SYNJ1: variants seen among roughly 807,000 people sequenced by gnomAD.
SYNJ1 encodes synaptojanin 1, also known as polyphosphatidylinositol phosphatase SYNJ1.
A neutral mutation model predicts 168.2 loss-of-function variants in SYNJ1; 78 were observed. That is an observed-to-expected ratio of 0.46 (90% CI 0.39 to 0.56). The LOEUF is 0.56. SYNJ1 is among the 20% of genes least tolerant of loss of function. The probability of loss-of-function intolerance (pLI) is 0.00; values close to 1 mark genes in which losing one functional copy is unlikely to be tolerated. For synonymous variants in SYNJ1, 539 were observed against 548.6 expected (o/e 0.98, Z 0.24); for missense variants, 1,303 against 1,597.6 (o/e 0.82, Z 3.14).
At position 32,631,673 on chromosome 21, in the gene SYNJ1, G is replaced by T. The variant is rs373469623; in HGVS notation, c.*132C>A. Reference sequence around the variant, plus strand: ...GAATCAACCTCTTTGGGTCTGGGGTGGGAACAGGTGACGTTTGAACAGATA... The same window carrying T: ...GAATCAACCTCTTTGGGTCTGGGGTTGGAACAGGTGACGTTTGAACAGATA... On this transcript the variant is annotated 3_prime_UTR_variant, in exon 33 of 33. Coordinates refer to ENST00000674351, the MANE Select transcript of SYNJ1 (RefSeq NM_203446.3). The T allele has an allele frequency of 2.7e-5, 43 of 1,614,076 alleles. No homozygotes were observed. The highest frequency in any genetic ancestry group is 3.6e-5 in the Non-Finnish European group (42 of 1,180,044).
At chr21:32,728,304 T>C (rs1475393217), upstream of SYNJ1, 4 of 430,768 alleles carry the variant, frequency 9.3e-6, no homozygotes, top group African/African-American at 2.1e-5. Context: ...GGGGAGGGAC[T>C]CCGGAGAAAA....
At chr21:32,691,350 T>C (rs1020642570) in intron 6 of SYNJ1, among the ~76,000 whole-genome samples, 10 of 152,218 alleles carry the variant, frequency 6.6e-5, no homozygotes, top group African/African-American at 1.4e-4. Flanking sequence ...CTTTTGCCTT[T>C]TGCCATGACT....
At chr21:32,681,762 C>T (rs993447396) in intron 10 of SYNJ1, 114 bp from the exon 11 acceptor site, 3 of 922,960 alleles carry the variant, frequency 3.3e-6, no homozygotes, top group Admixed American at 3.2e-5. Flanking sequence ...CTATTTGGGA[C>T]TAGCTTCTGA....
intron 24 of SYNJ1, 25 bp downstream of exon 24, chr21:32,646,368 C>G (rs755069319): frequency 1.8e-5 from 29 of 1,606,692 alleles, no homozygotes; most frequent in Non-Finnish European, 2.5e-5. Flanking sequence ...GGAAGCCATA[C>G]AAAACTTTCA....
intron 15 of SYNJ1, among the ~76,000 whole-genome samples, chr21:32,668,013 G>GTGTA (rs1310872898): frequency 8.7e-5 from 3 of 34,520 alleles, no homozygotes; most frequent in African/African-American, 2.6e-4. Flanking sequence ...ATATATATGT[G>GTGTA]TGTGTGTGTG....
chr21:32,687,137 A>G, intron 7 of SYNJ1, 63 bp from the exon 8 acceptor site: 1 of 820,826 alleles, frequency 1.2e-6, no homozygotes, highest in Non-Finnish European at 1.8e-6. Flanking sequence ...TTCAATAAAC[A>G]ATAATCCATT....
At chr21:32,728,177 C>A, upstream of SYNJ1, 1 of 1,076,150 alleles carries the variant, frequency 9.3e-7, no homozygotes, top group Non-Finnish European at 1.3e-6. Flanking sequence ...CTCCAGCTAC[C>A]TTTGCCTCCT....
At chr21:32,718,608 A>G (rs939580943) in intron 2 of SYNJ1, among the ~76,000 whole-genome samples, 8 of 152,156 alleles carry the variant, frequency 5.3e-5, no homozygotes, top group African/African-American at 1.9e-4. Context: ...TTTAAAAGAG[A>G]CAGGACACTG....
chr21:32,690,476 T>C (rs1345547845), intron 6 of SYNJ1, among the ~76,000 whole-genome samples: 7 of 152,220 alleles, frequency 4.6e-5, no homozygotes, highest in South Asian at 2.1e-4. Flanking sequence ...CCTCCTAGAC[T>C]AGGTTTTATT....
In SYNJ1 at chr21:32,650,326, A is replaced by C; in HGVS notation, c.2895T>G (p.Thr965=). 1 of 1,610,626 alleles carries C rather than the reference A, an allele frequency of 6.2e-7. No homozygotes were observed. The highest frequency in any genetic ancestry group is 8.5e-7 in the Non-Finnish European group (1 of 1,179,048). Residue 965 remains threonine, a synonymous_variant, in exon 23 of 33, where the codon ACT becomes ACG. Transcript: ENST00000674351. ...TCCAGTCTGGACTTTTTAAAGCAAT[A>C]GTTATAGTCCGATTCAATAACTAGC... ...NGKELLNRTI[T]IALKSPDWIK...
rs565013600 is a variant in SYNJ1, at chr21:32,688,306, C to T, written c.851G>A (p.Arg284Lys). 191 of 1,613,110 alleles carry T rather than the reference C, an allele frequency of 1.2e-4. 3 individuals carry two copies. In the South Asian group the frequency reaches 1.9e-3, roughly 16 times the overall value. Residue 284 changes from arginine (R) to lysine (K), a missense_variant and splice_region_variant, in exon 7 of 33, where the codon AGG (arginine) becomes AAG (lysine). Coordinates refer to ENST00000674351, the MANE Select transcript of SYNJ1 (RefSeq NM_203446.3). ...GFEANAPAFD[R>K]HFRTLKNLYG... ...AAGCACTATGTAAAAATTGTCTTAC[C>T]TGTCAAAAGCAGGTGCATTGGCTTC...
intron 32 of SYNJ1, among the ~76,000 whole-genome samples, chr21:32,633,598 G>T (rs2039437983): frequency 6.6e-6 from 1 of 152,162 alleles, no homozygotes; most frequent in African/African-American, 2.4e-5. Context: ...AAGGAATTTG[G>T]ATAGTTGTTA....
chr21:32,700,638 G>A (rs1479012346), intron 3 of SYNJ1, among the ~76,000 whole-genome samples: 1 of 151,982 alleles, frequency 6.6e-6, no homozygotes, highest in Non-Finnish European at 1.5e-5. Flanking sequence ...CTGGGCAACA[G>A]GAGCTAAAAC....
At chr21:32,690,955 T>A (rs1186199778) in intron 6 of SYNJ1, among the ~76,000 whole-genome samples, 1 of 152,252 alleles carries the variant, frequency 6.6e-6, no homozygotes, top group Non-Finnish European at 1.5e-5. Context: ...AAGGTATTTT[T>A]AAAAATCATT....
rs773991282 is a variant in SYNJ1, at chr21:32,670,272, A to G, written c.1811+16T>C. The G allele has an allele frequency of 7.5e-6, 12 of 1,609,826 alleles. No individual in the cohort carries two copies. In the South Asian group the frequency reaches 1.2e-4, roughly 16 times the overall value. ...CAACTGGCAAATTTTTCAGTGGATTAATGTGGCTAGCTTACCTTGCACTCA... is the reference window on the plus strand; with the variant it reads ...CAACTGGCAAATTTTTCAGTGGATTGATGTGGCTAGCTTACCTTGCACTCA... On this transcript the variant is annotated intron_variant, in intron 15 of 32. Coordinates refer to ENST00000674351, the MANE Select transcript of SYNJ1 (RefSeq NM_203446.3).
chr21:32,720,876 G>A (rs960142859), intron 2 of SYNJ1, among the ~76,000 whole-genome samples: 1 of 152,168 alleles, frequency 6.6e-6, no homozygotes, highest in Non-Finnish European at 1.5e-5. Context: ...ATATAATTAT[G>A]AAATGAATCA....
intron 2 of SYNJ1, among the ~76,000 whole-genome samples, chr21:32,713,691 T>TGGATGATTTCCCATATATCAACAC (rs2042921063): frequency 5.3e-5 from 8 of 150,958 alleles, no homozygotes; most frequent in Non-Finnish European, 1.5e-5. Flanking sequence ...TATATCAACA[T>TGGATGATTTCCCATATATCAACAC]GGATGATTTC....
chr21:32,657,723 A>T lies in SYNJ1; in HGVS notation c.2454T>A (p.Asp818Glu), dbSNP rs956806458. 2 of 1,600,548 alleles carry T rather than the reference A, an allele frequency of 1.2e-6. No homozygotes were observed. The highest frequency in any genetic ancestry group is 2.7e-5 in the African/African-American group (2 of 74,002). The change falls in exon 19 of 33, where the codon GAT becomes GAA. Residue 818 changes from aspartate to glutamate, a missense_variant. Coordinates refer to ENST00000674351, the MANE Select transcript of SYNJ1 (RefSeq NM_203446.3). ...VLWRRRKWPF[D>E]RSAEDLDLLN... Reference sequence around the variant, plus strand: ...AGAAGCCCATTTCCCAACCTGATCTATCAAAAGGCCATTTCCTCCTTCTCC... The same window carrying T: ...AGAAGCCCATTTCCCAACCTGATCTTTCAAAAGGCCATTTCCTCCTTCTCC...
chr21:32,648,867 C>T (rs1426899263), intron 23 of SYNJ1, among the ~76,000 whole-genome samples: 1 of 152,188 alleles, frequency 6.6e-6, no homozygotes, highest in Non-Finnish European at 1.5e-5. Context: ...TTCCATCCCA[C>T]ACCTACTTCT....
Sources: allele counts gnomAD v4.1 joint callset (sites outside exome capture counted in the v4.1 genomes callset), GRCh38; gene constraint gnomAD v4.1.1; transcripts MANE v1.5; gene names NCBI Gene and HGNC (gene_info 2026-07-23, HGNC 2026-07-21).